NGLY1: variants seen among roughly 807,000 people sequenced by gnomAD.
NGLY1 encodes peptide-N(4)-(N-acetyl-beta-glucosaminyl)asparagine amidase.
NGLY1 carries 68 observed loss-of-function variants against 84.6 expected under a neutral mutation model. The observed-to-expected ratio is 0.80, with a 90% confidence interval of 0.66 to 0.98. NGLY1 has a LOEUF of 0.98. Among genes scored for constraint, NGLY1 ranks in the 50% least tolerant of loss-of-function variants. NGLY1 has a pLI of 0.00. For missense variants in NGLY1, 779 were observed against 770.2 expected, an observed-to-expected ratio of 1.01 and a Z score of -0.14; for synonymous variants, 280 against 275.2, an observed-to-expected ratio of 1.02 and a Z score of -0.17.
At chr3:25,744,250 T>A (rs1706305984) in intron 4 of NGLY1, among the ~76,000 whole-genome samples, 1 of 152,192 alleles carries the variant, frequency 6.6e-6, no homozygotes, top group Non-Finnish European at 1.5e-5. Flanking sequence ...GGCCAAGATA[T>A]ATTTTGTTAC....
Position 25,733,855 on chromosome 3 carries a change from A to G in NGLY1, c.1260+17T>C, listed in dbSNP as rs1559533894. ...AAAATGTCAACTGTTCTTTCAAAAA[A>G]GATAGCCACACCATACCTGCTTATT... On this transcript the variant is annotated intron_variant, in intron 8 of 11. Coordinates refer to ENST00000280700, the MANE Select transcript of NGLY1 (RefSeq NM_018297.4). The G allele has an allele frequency of 2.6e-6, 4 of 1,564,438 alleles. No individual in the cohort carries two copies. Among genetic ancestry groups the G allele is most frequent in the Non-Finnish European group, 3.5e-6 (4 of 1,147,160 alleles).
At chr3:25,740,450 T>C (rs1706078174) in intron 4 of NGLY1, among the ~76,000 whole-genome samples, 1 of 152,154 alleles carries the variant, frequency 6.6e-6, no homozygotes, top group Admixed American at 6.5e-5. Flanking sequence ...CCATGGTATC[T>C]CTGGCAAGAA....
At chr3:25,755,740 T>TAGTTCAGTATATTG in intron 3 of NGLY1, 2 of 984,804 alleles carry the variant, frequency 2.0e-6, no homozygotes, top group Non-Finnish European at 1.5e-6. Context: ...CCCAATATAC[T>TAGTTCAGTATATTG]GAACTAGAAT....
intron 3 of NGLY1, among the ~76,000 whole-genome samples, chr3:25,756,453 T>C (rs1228822310): frequency 6.6e-6 from 1 of 152,220 alleles, no homozygotes; most frequent in Non-Finnish European, 1.5e-5. Flanking sequence ...TCCTTAGTTT[T>C]TATGCCTGTT....
At chr3:25,747,756 T>C (rs113842526) in intron 4 of NGLY1, among the ~76,000 whole-genome samples, 5 of 152,192 alleles carry the variant, frequency 3.3e-5, no homozygotes, top group Non-Finnish European at 5.9e-5. Flanking sequence ...TACACAAATA[T>C]AGAGAATCAC....
At chr3:25,785,302 A>T (rs1053791221), upstream of NGLY1, among the ~76,000 whole-genome samples, 4 of 152,062 alleles carry the variant, frequency 2.6e-5, no homozygotes, top group African/African-American at 4.8e-5. Context: ...AAAAAAATTT[A>T]AAAACACATA....
chr3:25,743,747 T>C (rs554331045), intron 4 of NGLY1, among the ~76,000 whole-genome samples: 4 of 152,272 alleles, frequency 2.6e-5, no homozygotes, highest in Admixed American at 1.3e-4. Flanking sequence ...GTTCACCAAA[T>C]AGTCATTATC....
intron 3 of NGLY1, among the ~76,000 whole-genome samples, chr3:25,751,844 CG>C (rs1706767083): frequency 6.6e-6 from 1 of 152,208 alleles, no homozygotes; most frequent in Admixed American, 6.5e-5. Flanking sequence ...CTAATTATCT[CG>C]GCTTCTCCCT....
rs1244658277 is a variant in NGLY1 at position 25,783,159 on chromosome 3, C to T, written c.131+101G>A. On this transcript the variant is annotated intron_variant, in intron 1 of 11. Transcript: ENST00000280700. This position sits in a 1 kb window ranked among gnomAD's most constrained non-coding sequence, Gnocchi z 4.5. ...CAGGTCCCGGTCTGTCCGGGCGTCG[C>T]TGCCCTCTGAAGCTCAGGCCGGACG... The T allele has an allele frequency of 1.8e-6, 2 of 1,131,740 alleles. No individual in the cohort carries two copies. Among genetic ancestry groups the T allele is most frequent in the Non-Finnish European group, 2.6e-6 (2 of 780,036 alleles). 70.1% of individuals were successfully genotyped at this position (1,131,740 alleles called of 1,614,324 possible). A position where few individuals can be genotyped will look rare whatever the true frequency, so the allele number is the denominator to read the frequency against.
intron 2 of NGLY1, among the ~76,000 whole-genome samples, chr3:25,765,696 A>G (rs961274719): frequency 6.6e-6 from 1 of 152,166 alleles, no homozygotes. Flanking sequence ...TATAAAAAAG[A>G]CAACTACAAT....
At chr3:25,756,454 T>C (rs923741469) in intron 3 of NGLY1, among the ~76,000 whole-genome samples, 1 of 152,244 alleles carries the variant, frequency 6.6e-6, no homozygotes, top group Non-Finnish European at 1.5e-5. Flanking sequence ...CCTTAGTTTT[T>C]ATGCCTGTTG....
chr3:25,720,305 TA>T (rs1398545171), intron 10 of NGLY1, 114 bp from the exon 11 acceptor site: 2 of 787,662 alleles, frequency 2.5e-6, no homozygotes, highest in Non-Finnish European at 3.7e-6. Context: ...AGTGGTTATT[TA>T]AAAACTAACT....
chr3:25,761,437 C>A (rs1707320214), intron 3 of NGLY1, among the ~76,000 whole-genome samples: 1 of 152,146 alleles, frequency 6.6e-6, no homozygotes, highest in African/African-American at 2.4e-5. Flanking sequence ...GAACACTAAA[C>A]ACTTAGCATG....
chr3:25,732,178 T>C, intron 9 of NGLY1, 141 bp downstream of exon 9: 1 of 676,832 alleles, frequency 1.5e-6, no homozygotes, highest in Non-Finnish European at 2.3e-6. Context: ...ACTGGTTCTC[T>C]TCAAATGTTT....
intron 1 of NGLY1, among the ~76,000 whole-genome samples, chr3:25,781,199 C>T (rs924412981): frequency 6.6e-6 from 1 of 152,148 alleles, no homozygotes; most frequent in Admixed American, 6.5e-5. Context: ...AATCCGCCCA[C>T]CTTGGCCTCC....
chr3:25,720,686 C>A (rs924615897), intron 10 of NGLY1, among the ~76,000 whole-genome samples: 1 of 152,306 alleles, frequency 6.6e-6, no homozygotes, highest in East Asian at 1.9e-4. Context: ...GATATCCATG[C>A]TCACTTCTCT....
chr3:25,760,960 T>C (rs1172954703), intron 3 of NGLY1, among the ~76,000 whole-genome samples: 1 of 149,232 alleles, frequency 6.7e-6, no homozygotes, highest in Non-Finnish European at 1.5e-5. Flanking sequence ...GAGGTTGCCT[T>C]ATTGTTGGTT....
At chr3:25,764,007 C>G in intron 3 of NGLY1, 59 bp downstream of exon 3, 1 of 1,586,456 alleles carries the variant, frequency 6.3e-7, no homozygotes, top group East Asian at 2.2e-5. Flanking sequence ...CATTCCAAAG[C>G]TTTTGCTGTT....
intron 10 of NGLY1, among the ~76,000 whole-genome samples, chr3:25,724,960 A>C (rs1705178827): frequency 6.6e-6 from 1 of 152,162 alleles, no homozygotes; most frequent in South Asian, 2.1e-4. Flanking sequence ...ATGGAAACTA[A>C]AAATATACTC....
Sources: gnomAD v4.1 joint callset for allele counts (sites outside exome capture counted in the v4.1 genomes callset) on GRCh38, gnomAD v4.1.1 for gene constraint, Gnocchi (gnomAD v3.1) non-coding constraint, MANE v1.5 for transcripts, NCBI Gene and HGNC (gene_info 2026-07-23, HGNC 2026-07-21) for gene names.